Variants in RANBP2 observed in about 807,000 individuals in gnomAD.
RANBP2 encodes E3 SUMO-protein ligase RanBP2.
A neutral mutation model predicts 303.6 loss-of-function variants in RANBP2; 57 were observed. That is an observed-to-expected ratio of 0.19 (90% CI 0.15 to 0.23). The LOEUF is 0.23. Ranked by LOEUF, RANBP2 falls within the 10% of genes least tolerant of loss-of-function variation. The pLI is 1.00. For synonymous variants in RANBP2, 1,167 were observed against 1,301.5 expected, an observed-to-expected ratio of 0.90 and a Z score of 2.23; for missense variants, 3,138 against 3,780.8, an observed-to-expected ratio of 0.83 and a Z score of 4.46.
the RANBP2 span, among the ~76,000 whole-genome samples, chr2:109,266,494 C>A: frequency 6.6e-6 from 1 of 152,128 alleles, no homozygotes; most frequent in East Asian, 1.9e-4. Context: ...CCTTAATCTG[C>A]CCCTTCACTG....
At chr2:109,493,997 T>A in the RANBP2 span, among the ~76,000 whole-genome samples, 2 of 152,270 alleles carry the variant, frequency 1.3e-5, no homozygotes, top group Non-Finnish European at 2.9e-5. Context: ...CTGCCTGTGT[T>A]TTCCGGATGG....
chr2:109,270,838 C>T, the RANBP2 span, among the ~76,000 whole-genome samples: 2 of 152,172 alleles, frequency 1.3e-5, no homozygotes, highest in African/African-American at 4.8e-5. Context: ...AGTGACAGAG[C>T]GTTGGTAGGA....
chr2:108,805,449 G>C, the RANBP2 span, among the ~76,000 whole-genome samples: 1 of 152,112 alleles, frequency 6.6e-6, no homozygotes, highest in Non-Finnish European at 1.5e-5. Flanking sequence ...TTGCAGGCCA[G>C]GCGCGGTGGC....
At chr2:109,737,660 C>T in the RANBP2 span, 140 of 213,834 alleles carry the variant, frequency 6.5e-4, no homozygotes, top group African/African-American at 3.0e-3. Context: ...ATACTGTTTT[C>T]CACAGTCGCT....
At chr2:108,984,326 C>A in the RANBP2 span, among the ~76,000 whole-genome samples, 1 of 152,290 alleles carries the variant, frequency 6.6e-6, no homozygotes, top group Non-Finnish European at 1.5e-5. Flanking sequence ...GGTGTGGGCA[C>A]TGACTGTCCC....
the RANBP2 span, among the ~76,000 whole-genome samples, chr2:109,555,469 T>G: frequency 1.3e-5 from 2 of 152,002 alleles, no homozygotes; most frequent in Non-Finnish European, 2.9e-5. Context: ...TCCCCCACTC[T>G]CCCCTGTTGC....
the RANBP2 span, among the ~76,000 whole-genome samples, chr2:109,412,069 C>T: frequency 6.6e-6 from 1 of 152,226 alleles, no homozygotes; most frequent in African/African-American, 2.4e-5. Flanking sequence ...CCTCCTGACA[C>T]CGAGCCCTGT....
chr2:109,188,331 G>A, the RANBP2 span, among the ~76,000 whole-genome samples: 13 of 152,312 alleles, frequency 8.5e-5, no homozygotes, highest in Non-Finnish European at 1.3e-4. Context: ...GGCCTGGAGC[G>A]TGGTCTCTTG....
the RANBP2 span, among the ~76,000 whole-genome samples, chr2:108,975,164 G>A: frequency 6.6e-6 from 1 of 152,232 alleles, no homozygotes; most frequent in Non-Finnish European, 1.5e-5. Flanking sequence ...GCAAATGATG[G>A]TGCAGCACTC....
the RANBP2 span, among the ~76,000 whole-genome samples, chr2:109,568,473 G>C: frequency 6.7e-6 from 1 of 149,796 alleles, no homozygotes; most frequent in Non-Finnish European, 1.5e-5. Flanking sequence ...CTGGGTTCAA[G>C]CGATTCTCTT....
chr2:108,755,309 C>T (rs1191662200), intron 17 of RANBP2, 50 bp downstream of exon 17: 3 of 1,610,472 alleles, frequency 1.9e-6, no homozygotes, highest in African/African-American at 1.3e-5. Flanking sequence ...AGATTCCTTC[C>T]CTGGCCACTC....
chr2:108,809,448 TTGTGTGTGTGTGTGTGTGTGTGTGTGTG>T, the RANBP2 span, among the ~76,000 whole-genome samples: 2 of 141,138 alleles, frequency 1.4e-5, no homozygotes, highest in Non-Finnish European at 3.1e-5. Flanking sequence ...ACATGAAATG[TTGTGTGTGTGTGTGTGTGTGTGTGTGTG>T]TGTGTGTGTG....
the RANBP2 span, among the ~76,000 whole-genome samples, chr2:109,655,862 T>C: frequency 6.6e-6 from 1 of 152,142 alleles, no homozygotes; most frequent in Non-Finnish European, 1.5e-5. Flanking sequence ...GTCAGACATC[T>C]TAGGGTTCAA....
rs545332125 is a variant in RANBP2 at position 108,778,617 on chromosome 2, C to T, written c.8599+1386C>T. On this transcript the variant is annotated intron_variant, in intron 25 of 28. Transcript: ENST00000283195. ...ACAAGTGGGTGATTCTAATGTGTTC[C>T]CAGGGTAGAGAACCACTATTTTGAA... Among the ~76,000 whole-genome samples, 4 of 152,268 alleles carry T rather than the reference C, an allele frequency of 2.6e-5. No individual in the cohort carries two copies. In the South Asian group the frequency reaches 8.3e-4, roughly 32 times the overall value.
At chr2:109,530,254 C>T in the RANBP2 span, among the ~76,000 whole-genome samples, 17 of 152,170 alleles carry the variant, frequency 1.1e-4, no homozygotes, top group African/African-American at 3.9e-4. Context: ...CCAGAGATCA[C>T]CTGTGCACAA....
At chr2:109,530,383 G>C in the RANBP2 span, among the ~76,000 whole-genome samples, 2 of 152,188 alleles carry the variant, frequency 1.3e-5, no homozygotes, top group Non-Finnish European at 2.9e-5. Context: ...ACTCTACGGA[G>C]TCCAAGCAGC....
the RANBP2 span, among the ~76,000 whole-genome samples, chr2:109,610,677 T>C: frequency 1.2e-4 from 19 of 152,092 alleles, no homozygotes; most frequent in African/African-American, 4.6e-4. Flanking sequence ...GATCATGCTA[T>C]TGAACTCCAG....
chr2:108,999,920 T>C, the RANBP2 span, among the ~76,000 whole-genome samples: 25,316 of 152,030 alleles, frequency 0.17, 3,860 homozygotes, highest in East Asian at 0.85. Context: ...ATCACAGCAA[T>C]GTTTAGTTCA....
At chr2:109,514,842 G>A in the RANBP2 span, among the ~76,000 whole-genome samples, 13 of 152,250 alleles carry the variant, frequency 8.5e-5, no homozygotes, top group South Asian at 2.1e-4. Context: ...TGGGCACGGC[G>A]GTCACTTTCT....
Sources: allele counts gnomAD v4.1 joint callset (sites outside exome capture counted in the v4.1 genomes callset), GRCh38; gene constraint gnomAD v4.1.1; transcripts MANE v1.5; gene names NCBI Gene and HGNC (gene_info 2026-07-23, HGNC 2026-07-21).